STK32B: variants seen among roughly 807,000 people sequenced by gnomAD.
The protein encoded by STK32B is serine/threonine kinase 32B, also known as serine/threonine-protein kinase 32B.
STK32B carries 43 observed loss-of-function variants against 52.6 expected under a neutral mutation model. That is an observed-to-expected ratio of 0.82 (90% CI 0.64 to 1.05). The LOEUF (loss-of-function observed/expected upper bound fraction) is 1.05, where lower values mean the gene tolerates loss of function less well. Ranked by LOEUF, STK32B falls within the 50% of genes least tolerant of loss-of-function variation. STK32B has a pLI of 0.00. For synonymous variants in STK32B, 238 were observed against 204.3 expected (o/e 1.17, Z -1.41); for missense variants, 621 against 534.6 (o/e 1.16, Z -1.59).
intron 3 of STK32B, among the ~76,000 whole-genome samples, chr4:5,263,225 A>G (rs923687353): frequency 1.4e-4 from 21 of 149,910 alleles, no homozygotes; most frequent in African/African-American, 2.2e-4. Flanking sequence ...ACGTGTATCA[A>G]TGCAGTCCCA....
intron 3 of STK32B, among the ~76,000 whole-genome samples, chr4:5,290,904 A>T (rs563633344): frequency 2.0e-5 from 3 of 152,290 alleles, no homozygotes; most frequent in Admixed American, 2.0e-4. Context: ...AGTAAAATTC[A>T]TACGGAAAGG....
intron 2 of STK32B, among the ~76,000 whole-genome samples, chr4:5,156,872 G>A (rs754967026): frequency 2.0e-5 from 3 of 151,984 alleles, no homozygotes; most frequent in Non-Finnish European, 4.4e-5. Context: ...ACTCCATACC[G>A]CCTTATTATG....
chr4:5,117,919 G>C (rs1714825126), intron 1 of STK32B, among the ~76,000 whole-genome samples: 1 of 152,152 alleles, frequency 6.6e-6, no homozygotes, highest in Non-Finnish European at 1.5e-5. Flanking sequence ...TGATCACAGT[G>C]AACAATTCTT....
intron 1 of STK32B, among the ~76,000 whole-genome samples, chr4:5,123,115 C>T (rs1221182162): frequency 1.3e-5 from 2 of 152,138 alleles, no homozygotes; most frequent in African/African-American, 4.8e-5. Context: ...CAGAGTGGTT[C>T]TTCTTTCTCC....
Position 5,446,731 on chromosome 4 carries a change from C to T in STK32B, c.621C>T (p.Asp207=). 6.2e-7 allele frequency: 1 copy of T among 1,614,122 alleles called. No individual in the cohort carries two copies. Among genetic ancestry groups the T allele is most frequent in the Non-Finnish European group, 8.5e-7 (1 of 1,180,012 alleles). ...GCCCCGGATACTCGTACCCTGTCGA[C>T]TGGTGGTCCCTGGGCATCACAGCCT... The part of the protein sequence containing the change: ...DRGPGYSYPV[D]WWSLGITAYE... Residue 207 remains aspartate, a synonymous_variant, in exon 7 of 12, where the codon GAC becomes GAT. Transcript: ENST00000282908.
chr4:5,327,001 A>G lies in STK32B; in HGVS notation c.261-4219A>G, dbSNP rs192633391. The stretch of plus-strand genomic sequence containing the variant: ...CTAAACCTCTTGTGTCATTTTAACA[A>G]TGTGTACAGCACCTTCATCAGGAGC... On this transcript the variant is annotated intron_variant, in intron 3 of 11. Transcript: ENST00000282908. Among the ~76,000 whole-genome samples the G allele has an allele frequency of 1.7e-3, 259 of 152,278 alleles. 1 individual carries two copies. Among genetic ancestry groups the G allele is most frequent in the Non-Finnish European group, 3.4e-3 (230 of 68,024 alleles).
chr4:5,247,217 C>T (rs947650506), intron 3 of STK32B, among the ~76,000 whole-genome samples: 15 of 152,290 alleles, frequency 9.8e-5, no homozygotes, highest in Middle Eastern at 3.4e-3. Context: ...GTGGTCGGCT[C>T]CACCCAGTTT....
At chr4:5,418,986 A>T (rs1712401035) in intron 6 of STK32B, among the ~76,000 whole-genome samples, 1 of 152,158 alleles carries the variant, frequency 6.6e-6, no homozygotes, top group Non-Finnish European at 1.5e-5. Context: ...ATCTTCATGA[A>T]CACTAGGTTT....
chr4:5,140,132 T>C, intron 2 of STK32B, 172 bp downstream of exon 2: 1 of 1,412,624 alleles, frequency 7.1e-7, no homozygotes. Flanking sequence ...GGTGTAATTT[T>C]CTTCTGGAAA....
intron 4 of STK32B, among the ~76,000 whole-genome samples, chr4:5,372,012 C>G (rs977431329): frequency 6.6e-6 from 1 of 152,220 alleles, no homozygotes; most frequent in South Asian, 2.1e-4. Flanking sequence ...GCCCTGGAAA[C>G]AGGCCAGGAT....
intron 4 of STK32B, among the ~76,000 whole-genome samples, chr4:5,364,131 C>T (rs998523925): frequency 6.6e-5 from 10 of 152,262 alleles, no homozygotes; most frequent in African/African-American, 2.4e-4. Flanking sequence ...AATGCCTTAG[C>T]ACTGTCATTC....
intron 4 of STK32B, among the ~76,000 whole-genome samples, chr4:5,373,899 T>G (rs1221724046): frequency 1.3e-5 from 2 of 152,194 alleles, no homozygotes; most frequent in Non-Finnish European, 2.9e-5. Context: ...CTACTGTAAT[T>G]GAATTGTGTT....
At chr4:5,481,949 T>C (rs1718750099) in intron 11 of STK32B, among the ~76,000 whole-genome samples, 1 of 152,224 alleles carries the variant, frequency 6.6e-6, no homozygotes, top group African/African-American at 2.4e-5. Flanking sequence ...TCTGTATCTC[T>C]GTTTTGGTAC....
intron 1 of STK32B, among the ~76,000 whole-genome samples, chr4:5,106,888 A>G (rs778756619): frequency 3.2e-4 from 48 of 152,182 alleles, no homozygotes; most frequent in Non-Finnish European, 5.7e-4. Flanking sequence ...AATTATATGT[A>G]AAGTGTGGAT....
intron 4 of STK32B, among the ~76,000 whole-genome samples, chr4:5,346,546 G>A (rs115996566): frequency 0.012 from 1,796 of 152,236 alleles, 24 homozygotes; most frequent in African/African-American, 0.041. Context: ...ATGCAGGGAG[G>A]GATTGGGGTC....
At chr4:5,130,107 G>C (rs952019858) in intron 1 of STK32B, among the ~76,000 whole-genome samples, 1 of 152,010 alleles carries the variant, frequency 6.6e-6, no homozygotes, top group South Asian at 2.1e-4. Context: ...CGGCAGTGAG[G>C]TAGGGAGTAC....
intron 3 of STK32B, among the ~76,000 whole-genome samples, chr4:5,311,271 C>T (rs1034550206): frequency 3.3e-5 from 5 of 152,260 alleles, no homozygotes; most frequent in Non-Finnish European, 5.9e-5. Flanking sequence ...TGAGATGATG[C>T]TTATGCTAAT....
intron 3 of STK32B, among the ~76,000 whole-genome samples, chr4:5,224,992 A>C (rs926229364): frequency 6.6e-6 from 1 of 152,186 alleles, no homozygotes; most frequent in African/African-American, 2.4e-5. Flanking sequence ...ATTCATGCAG[A>C]CGTGAAATAG....
chr4:5,055,758 C>G (rs1053758607), intron 1 of STK32B, among the ~76,000 whole-genome samples: 10 of 152,156 alleles, frequency 6.6e-5, no homozygotes, highest in Admixed American at 3.3e-4. Context: ...GCATCTCCCC[C>G]CCAGCCCACT....
Sources: allele counts gnomAD v4.1 joint callset (sites outside exome capture counted in the v4.1 genomes callset), GRCh38; gene constraint gnomAD v4.1.1; transcripts MANE v1.5; gene names NCBI Gene and HGNC (gene_info 2026-07-23, HGNC 2026-07-21).